Variants in FILIP1L observed in about 807,000 individuals in gnomAD.
The protein encoded by FILIP1L is filamin A-interacting protein 1-like.
A neutral mutation model predicts 96.6 loss-of-function variants in FILIP1L; 55 were observed. The ratio of observed to expected loss-of-function variants is 0.57; its 90% CI spans 0.46 to 0.71. The LOEUF (loss-of-function observed/expected upper bound fraction) is 0.71. Ranked by LOEUF, FILIP1L falls within the 30% of genes least tolerant of loss-of-function variation. FILIP1L has a pLI of 0.00. For synonymous variants in FILIP1L, 467 were observed against 473.9 expected (o/e 0.99, Z 0.19); for missense variants, 1,304 against 1,321.2 (o/e 0.99, Z 0.20).
intron 1 of FILIP1L, among the ~76,000 whole-genome samples, chr3:100,101,858 A>G (rs2066312612): frequency 6.6e-6 from 1 of 152,104 alleles, no homozygotes. Flanking sequence ...CCTACGAGTG[A>G]GAACATGCAG....
chr3:100,101,179 T>C (rs999783841), intron 1 of FILIP1L, among the ~76,000 whole-genome samples: 1 of 152,196 alleles, frequency 6.6e-6, no homozygotes, highest in Non-Finnish European at 1.5e-5. Context: ...AGTTACTTTC[T>C]GAGACAGCGT....
At chr3:100,014,895 CTTTTTTTTTTTT>C (rs1233573719) in intron 1 of FILIP1L, among the ~76,000 whole-genome samples, 1 of 25,008 alleles carries the variant, frequency 4.0e-5, no homozygotes, top group South Asian at 2.0e-3. Flanking sequence ...TTCTTTCTTT[CTTTTTTTTTTTT>C]TTTTTTTTTT....
At chr3:99,999,855 A>T (rs926066433) in intron 1 of FILIP1L, among the ~76,000 whole-genome samples, 1 of 152,176 alleles carries the variant, frequency 6.6e-6, no homozygotes, top group Non-Finnish European at 1.5e-5. Flanking sequence ...AAAACAAAAC[A>T]TGCCATGCTA....
intron 1 of FILIP1L, among the ~76,000 whole-genome samples, chr3:99,972,166 A>G (rs1214413757): frequency 2.6e-5 from 4 of 152,222 alleles, no homozygotes; most frequent in Non-Finnish European, 5.9e-5. Flanking sequence ...GTGGGGAAAG[A>G]TGTCATTCAA....
chr3:99,895,438 A>T (rs1462544630), intron 4 of FILIP1L, among the ~76,000 whole-genome samples: 1 of 137,112 alleles, frequency 7.3e-6, no homozygotes, highest in Non-Finnish European at 1.6e-5. Context: ...TTTGTGGCTT[A>T]TTCAAGGTAC....
intron 4 of FILIP1L, among the ~76,000 whole-genome samples, chr3:99,870,631 C>T (rs1388243824): frequency 1.3e-5 from 2 of 152,160 alleles, no homozygotes; most frequent in Non-Finnish European, 2.9e-5. Flanking sequence ...GTTTTCATGC[C>T]TTGTGCTTAG....
intron 5 of FILIP1L, among the ~76,000 whole-genome samples, chr3:99,834,115 T>A (rs1942798643): frequency 2.0e-5 from 3 of 152,238 alleles, no homozygotes; most frequent in Admixed American, 1.3e-4. Flanking sequence ...AGCCCAAAAT[T>A]TCATAATGAT....
At chr3:99,911,819 T>C (rs751550163) in intron 4 of FILIP1L, among the ~76,000 whole-genome samples, 1 of 152,218 alleles carries the variant, frequency 6.6e-6, no homozygotes, top group Non-Finnish European at 1.5e-5. Context: ...CCATGTCTTC[T>C]TCATTATTTT....
intron 1 of FILIP1L, among the ~76,000 whole-genome samples, chr3:100,052,002 A>T (rs1161496056): frequency 7.3e-5 from 11 of 151,162 alleles, no homozygotes; most frequent in Admixed American, 7.3e-4. Context: ...AATATAAAAT[A>T]TTTCAAGCAA....
At chr3:99,913,309 A>G (rs1479652446) in intron 4 of FILIP1L, among the ~76,000 whole-genome samples, 2 of 152,186 alleles carry the variant, frequency 1.3e-5, no homozygotes, top group Admixed American at 6.5e-5. Context: ...ACCATTTTAC[A>G]TTACTACACA....
intron 4 of FILIP1L, among the ~76,000 whole-genome samples, chr3:99,880,455 T>A (rs1705685878): frequency 6.6e-6 from 1 of 152,118 alleles, no homozygotes; most frequent in Non-Finnish European, 1.5e-5. Flanking sequence ...GAATCTCTGG[T>A]CCCAGGCCTA....
At chr3:99,944,742 A>T (rs565469573) in intron 1 of FILIP1L, among the ~76,000 whole-genome samples, 1 of 152,332 alleles carries the variant, frequency 6.6e-6, no homozygotes, top group African/African-American at 2.4e-5. Flanking sequence ...AGGAAGAATT[A>T]TCTGTGTAAA....
intron 1 of FILIP1L, among the ~76,000 whole-genome samples, chr3:100,097,327 T>G (rs1184412887): frequency 6.6e-6 from 1 of 152,212 alleles, no homozygotes; most frequent in Non-Finnish European, 1.5e-5. Flanking sequence ...TATTAGATAT[T>G]GTAAGTAATC....
At chr3:99,834,018 T>C (rs1387276149) in intron 5 of FILIP1L, among the ~76,000 whole-genome samples, 1 of 152,266 alleles carries the variant, frequency 6.6e-6, no homozygotes, top group Non-Finnish European at 1.5e-5. Flanking sequence ...TGCCTTCTTT[T>C]CTTTTGTCTT....
chr3:100,028,358 A>C (rs1202615014), intron 1 of FILIP1L, among the ~76,000 whole-genome samples: 1 of 152,128 alleles, frequency 6.6e-6, no homozygotes. Context: ...CTCTTCTTCC[A>C]GTACTGGATT....
At chr3:99,984,950 T>C (rs1041311749) in intron 1 of FILIP1L, among the ~76,000 whole-genome samples, 7 of 152,280 alleles carry the variant, frequency 4.6e-5, no homozygotes, top group African/African-American at 1.7e-4. Flanking sequence ...ACTGAGGATA[T>C]TGCTCTTAGA....
intron 1 of FILIP1L, chr3:100,011,586 G>C (rs1276690031): frequency 6.6e-6 from 1 of 152,120 alleles, no homozygotes; most frequent in African/African-American, 2.4e-5. Flanking sequence ...AGCACTTATT[G>C]TTGCTGATTG....
At chr3:99,940,325 T>C (rs1472401710) in intron 1 of FILIP1L, among the ~76,000 whole-genome samples, 1 of 152,236 alleles carries the variant, frequency 6.6e-6, no homozygotes, top group Non-Finnish European at 1.5e-5. Context: ...GAAAATCATA[T>C]GATTCTTTTA....
rs185283166 is a variant in FILIP1L at position 100,002,813 on chromosome 3, A to G, written c.-10-71783T>C. Among the ~76,000 whole-genome samples the G allele has an allele frequency of 1.2e-4, 19 of 152,212 alleles. No homozygotes were observed. The East Asian group carries it at 1.9e-3, about 15-fold the overall frequency. Reference sequence around the variant, plus strand: ...ATCTCTAGTTATACATCCCACCCCTATGACTTCCCCTCTAAAGCATGATTT... The same window carrying G: ...ATCTCTAGTTATACATCCCACCCCTGTGACTTCCCCTCTAAAGCATGATTT... On this transcript the variant is annotated intron_variant, in intron 1 of 5. Transcript: ENST00000477258.
Sources: allele counts gnomAD v4.1 joint callset (sites outside exome capture counted in the v4.1 genomes callset), GRCh38; gene constraint gnomAD v4.1.1; transcripts MANE v1.5; gene names NCBI Gene and HGNC (gene_info 2026-07-23, HGNC 2026-07-21).